GLIS3: variants seen among roughly 807,000 people sequenced by gnomAD.
The protein encoded by GLIS3 is zinc finger protein GLIS3.
A neutral mutation model predicts 78.6 loss-of-function variants in GLIS3; 53 were observed. That is an observed-to-expected ratio of 0.67 (90% CI 0.54 to 0.85). GLIS3 has a LOEUF of 0.85. Ranked by LOEUF, GLIS3 falls within the 40% of genes least tolerant of loss-of-function variation. GLIS3 has a pLI of 0.00. For synonymous variants in GLIS3, 684 were observed against 509.9 expected, an observed-to-expected ratio of 1.34 and a Z score of -4.60; for missense variants, 1,703 against 1,231.1, an observed-to-expected ratio of 1.38 and a Z score of -5.74.
chr9:4,286,221 C>G lies in GLIS3; in HGVS notation c.205G>C (p.Ala69Pro). ...HLKMPSGGGM[A>P]PQNNVAESRI... ...CTCTCAGCCACGTTGTTCTGAGGAG[C>G]CATCCCTCCTCCTGAGGGCATCTTG... Residue 69 changes from alanine to proline, a missense_variant, in exon 2 of 11, where the codon GCT becomes CCT. Physicochemically the swap from Ala to Pro is conservative, Grantham distance 27. Transcript: ENST00000381971. 1 of 1,614,210 alleles carries G rather than the reference C, an allele frequency of 6.2e-7. No individual in the cohort carries two copies. The highest frequency in any genetic ancestry group is 8.5e-7 in the Non-Finnish European group (1 of 1,180,038).
At chr9:4,461,599 T>A in the GLIS3 span, among the ~76,000 whole-genome samples, 6 of 152,326 alleles carry the variant, frequency 3.9e-5, no homozygotes, top group South Asian at 1.2e-3. Flanking sequence ...TCTGGGAGCT[T>A]GTTCTTCCTT....
chr9:4,375,235 T>C, the GLIS3 span, among the ~76,000 whole-genome samples: 2 of 152,184 alleles, frequency 1.3e-5, no homozygotes, highest in African/African-American at 4.8e-5. Context: ...CAATCAAGTC[T>C]AATGAACTCC....
the GLIS3 span, among the ~76,000 whole-genome samples, chr9:4,364,710 T>TTG: frequency 7.4e-6 from 1 of 134,356 alleles, no homozygotes; most frequent in Non-Finnish European, 1.5e-5. Flanking sequence ...TTATTACACT[T>TTG]TATATATATA....
Position 4,059,829 on chromosome 9 carries a change from T to TGTGA in GLIS3, c.1710+57938_1710+57939insTCAC. ...TTGTGTGTGTGTGTGTGTGTGTGTG[T>TGTGA]GAGAGAGAGAGAGAGAGAGAGAGAG... On this transcript the variant is annotated intron_variant, in intron 4 of 10. Coordinates refer to ENST00000381971, the MANE Select transcript of GLIS3 (RefSeq NM_001042413.2). Among the ~76,000 whole-genome samples the TGTGA allele has an allele frequency of 6.2e-3, 626 of 100,696 alleles. 5 individuals carry two copies. The highest frequency in any genetic ancestry group is 0.013 in the South Asian group (32 of 2,486). The allele number at this position is 100,696 out of a possible 152,430, so 66.1% of individuals were successfully genotyped here. A position where few individuals can be genotyped will look rare whatever the true frequency, so the allele number is the denominator to read the frequency against.
chr9:4,138,924 G>A (rs749055006), intron 2 of GLIS3, among the ~76,000 whole-genome samples: 9 of 152,160 alleles, frequency 5.9e-5, no homozygotes, highest in Non-Finnish European at 1.2e-4. Flanking sequence ...GCAAGCATGG[G>A]TATGTTGTAA....
intron 2 of GLIS3, among the ~76,000 whole-genome samples, chr9:4,343,669 C>G (rs1817867106): frequency 6.6e-6 from 1 of 152,180 alleles, no homozygotes. Flanking sequence ...AACCTAAATG[C>G]CCACCAACGG....
chr9:3,859,364 C>CAA (rs201767113), intron 8 of GLIS3, among the ~76,000 whole-genome samples: 61 of 13,010 alleles, frequency 4.7e-3, no homozygotes, highest in African/African-American at 9.6e-3. Context: ...CACACACACA[C>CAA]ACACACACAC....
At chr9:4,412,861 C>T in the GLIS3 span, among the ~76,000 whole-genome samples, 7 of 152,212 alleles carry the variant, frequency 4.6e-5, no homozygotes, top group East Asian at 1.3e-3. Flanking sequence ...CTTCCTCCAT[C>T]TGCCTCTTGT....
chr9:4,394,830 C>T, the GLIS3 span, among the ~76,000 whole-genome samples: 1 of 152,248 alleles, frequency 6.6e-6, no homozygotes, highest in East Asian at 1.9e-4. Context: ...ATAGCAATAA[C>T]AAAACACTGC....
At chr9:4,397,648 GA>G in the GLIS3 span, among the ~76,000 whole-genome samples, 970 of 109,660 alleles carry the variant, frequency 8.8e-3, 15 homozygotes, top group African/African-American at 0.031. Context: ...GAAAAGGAAG[GA>G]AGAAAAGGAA....
chr9:3,932,939 G>A (rs1408732370), intron 5 of GLIS3: 39 of 300,454 alleles, frequency 1.3e-4, no homozygotes, highest in Non-Finnish European at 1.6e-4. Flanking sequence ...AAGAGAAAGG[G>A]AGAGAATTAA....
At position 3,900,052 on chromosome 9, in the gene GLIS3, G is replaced by A. The variant is rs555133350; in HGVS notation, c.1984-1217C>T. Reference sequence around the variant, plus strand: ...GAACCTGCCTACCCTGTGGTTGTGCGGAGAAGTAAGAGTCAAGCAGGGTGA... The same window carrying A: ...GAACCTGCCTACCCTGTGGTTGTGCAGAGAAGTAAGAGTCAAGCAGGGTGA... On this transcript the variant is annotated intron_variant, in intron 6 of 10. Transcript: ENST00000381971. Among the ~76,000 whole-genome samples, 12 of 152,146 alleles carry A rather than the reference G, an allele frequency of 7.9e-5. 1 individual carries two copies. Among genetic ancestry groups the A allele is most frequent in the South Asian group, 2.1e-4 (1 of 4,828 alleles).
chr9:4,298,270 G>C, intron 1 of GLIS3: 1 of 384,840 alleles, frequency 2.6e-6, no homozygotes, highest in South Asian at 1.8e-5. Context: ...CGCCGAGCCA[G>C]TGTCCTCACC....
At chr9:3,906,783 C>T (rs1032510536) in intron 6 of GLIS3, among the ~76,000 whole-genome samples, 31 of 152,286 alleles carry the variant, frequency 2.0e-4, no homozygotes, top group African/African-American at 4.8e-4. Context: ...CTGCTTAACA[C>T]GCAAGTCTCA....
At chr9:4,057,623 C>G (rs940397187) in intron 4 of GLIS3, among the ~76,000 whole-genome samples, 4 of 150,850 alleles carry the variant, frequency 2.7e-5, no homozygotes, top group Admixed American at 1.3e-4. Context: ...CAGTTTACTC[C>G]TCTTCAAATG....
chr9:4,110,136 G>T (rs1468765126), intron 4 of GLIS3, among the ~76,000 whole-genome samples: 1 of 152,164 alleles, frequency 6.6e-6, no homozygotes, highest in Non-Finnish European at 1.5e-5. Context: ...TCAAACGAAT[G>T]AATCAACACA....
intron 2 of GLIS3, among the ~76,000 whole-genome samples, chr9:4,320,625 C>T (rs576493339): frequency 6.6e-6 from 1 of 152,238 alleles, no homozygotes; most frequent in South Asian, 2.1e-4. Flanking sequence ...CCATTACCAC[C>T]TACACCATCA....
chr9:3,973,365 G>A (rs915680075), intron 4 of GLIS3, among the ~76,000 whole-genome samples: 2 of 152,070 alleles, frequency 1.3e-5, no homozygotes, highest in Non-Finnish European at 2.9e-5. Context: ...GTGTCCCAAA[G>A]CCTCCACTCT....
At chr9:3,863,700 A>T (rs929156445) in intron 8 of GLIS3, among the ~76,000 whole-genome samples, 1 of 152,240 alleles carries the variant, frequency 6.6e-6, no homozygotes, top group African/African-American at 2.4e-5. Context: ...GCTCATATAC[A>T]TCATGAGTGA....
Sources: allele counts gnomAD v4.1 joint callset (sites outside exome capture counted in the v4.1 genomes callset), GRCh38; gene constraint gnomAD v4.1.1; transcripts MANE v1.5; gene names NCBI Gene and HGNC (gene_info 2026-07-23, HGNC 2026-07-21).